The following TUSC7 variants were observed in gnomAD, a reference collection of about 807,000 sequenced individuals.
The protein encoded by TUSC7 is tumor suppressor candidate 7, also known as LSAMP antisense RNA 3.
At chr3:116,710,578 A>G (rs2051454886) in intron 1 of TUSC7, among the ~76,000 whole-genome samples, 2 of 152,124 alleles carry the variant, frequency 1.3e-5, no homozygotes, top group African/African-American at 4.8e-5. Flanking sequence ...AAATTTTAAA[A>G]TTCTAAATAT....
intron 1 of TUSC7, among the ~76,000 whole-genome samples, chr3:116,715,888 T>C (rs896249406): frequency 6.6e-6 from 1 of 152,206 alleles, no homozygotes; most frequent in Admixed American, 6.5e-5. Flanking sequence ...CATATGTATT[T>C]ATAGTTTTAT....
At chr3:116,715,719 G>A (rs1402186338) in intron 1 of TUSC7, among the ~76,000 whole-genome samples, 1 of 152,030 alleles carries the variant, frequency 6.6e-6, no homozygotes, top group Admixed American at 6.6e-5. Context: ...TTTTGATATA[G>A]TCATTTATCA....
intron 1 of TUSC7, chr3:116,710,279 T>C (rs1367937886): frequency 6.6e-6 from 1 of 152,142 alleles, no homozygotes; most frequent in East Asian, 1.9e-4. Context: ...ATCTCAGTTT[T>C]ACTGAAAGGG....
In TUSC7 at chr3:116,715,360, T is replaced by C. The variant is rs142875114; in HGVS notation, n.99-2401T>C. Among the ~76,000 whole-genome samples, 11 of 152,322 alleles carry C rather than the reference T, an allele frequency of 7.2e-5. No homozygotes were observed. In the East Asian group the frequency reaches 1.5e-3, roughly 21 times the overall value. ...CATAGCAAGGAGCATAATTGATGGA[T>C]AGTATGTAAGATTACATTTAGTTTT... On this transcript the variant is annotated intron_variant and non_coding_transcript_variant, in intron 1 of 2. Coordinates refer to ENST00000477805, the Ensembl canonical transcript of TUSC7.
chr3:116,714,053 C>A (rs2051485518), intron 1 of TUSC7: 1 of 152,094 alleles, frequency 6.6e-6, no homozygotes, highest in African/African-American at 2.4e-5. Flanking sequence ...TTCCTATTAT[C>A]CTTCTCAAAG....
At chr3:116,709,981 A>G (rs1184243322) in intron 1 of TUSC7, 1 of 152,166 alleles carries the variant, frequency 6.6e-6, no homozygotes, top group Non-Finnish European at 1.5e-5. Flanking sequence ...GCCTCTGCTA[A>G]TGGTGGAGAG....
In TUSC7 at chr3:116,712,231, G is replaced by A. The variant is rs193159665; in HGVS notation, n.98+2355G>A. The A allele has an allele frequency of 3.3e-5, 5 of 152,238 alleles. No individual in the cohort carries two copies. The East Asian group carries it at 9.7e-4, about 29-fold the overall frequency. The allele number at this position is 152,238 out of a possible 1,614,324, so 9.4% of individuals were successfully genotyped here. A position where few individuals can be genotyped will look rare whatever the true frequency, so the allele number is the denominator to read the frequency against. On this transcript the variant is annotated intron_variant and non_coding_transcript_variant, in intron 1 of 2. Transcript: ENST00000477805. ...ATTTTCTGCCTTTGTCACCAAAACAGCATCTGCTAGTCACAAAACTAGAAA... is the reference window on the plus strand; with the variant it reads ...ATTTTCTGCCTTTGTCACCAAAACAACATCTGCTAGTCACAAAACTAGAAA...
At chr3:116,714,651 T>C (rs1255300794) in intron 1 of TUSC7, among the ~76,000 whole-genome samples, 2 of 152,204 alleles carry the variant, frequency 1.3e-5, no homozygotes, top group African/African-American at 2.4e-5. Context: ...CAGTGAAAAA[T>C]GGCTACACAC....
chr3:116,716,753 G>C (rs1049601895), intron 1 of TUSC7: 3 of 152,094 alleles, frequency 2.0e-5, no homozygotes, highest in Admixed American at 1.3e-4. Context: ...GGTTAAAAGG[G>C]ACCTTAGAGA....
At chr3:116,714,227 G>A (rs1198783576) in intron 1 of TUSC7, 4 of 152,090 alleles carry the variant, frequency 2.6e-5, no homozygotes, top group Non-Finnish European at 5.9e-5. Context: ...AGTCTTCTGT[G>A]TGGAATCAAG....
At chr3:116,715,796 A>C (rs1280397942) in intron 1 of TUSC7, among the ~76,000 whole-genome samples, 1 of 152,136 alleles carries the variant, frequency 6.6e-6, no homozygotes, top group African/African-American at 2.4e-5. Context: ...TGATCCAGAT[A>C]CTTTCCAGGG....
intron 1 of TUSC7, among the ~76,000 whole-genome samples, chr3:116,710,699 A>G (rs1236686321): frequency 1.3e-5 from 2 of 152,194 alleles, no homozygotes; most frequent in African/African-American, 4.8e-5. Flanking sequence ...ATATGGTTGC[A>G]GAGTTGAATC....
intron 1 of TUSC7, among the ~76,000 whole-genome samples, chr3:116,713,318 A>G (rs561848034): frequency 1.5e-4 from 23 of 152,168 alleles, no homozygotes; most frequent in Non-Finnish European, 3.2e-4. Context: ...TATTAACATC[A>G]TGCTGACACT....
intron 1 of TUSC7, chr3:116,712,687 G>A (rs1484793958): frequency 6.6e-6 from 1 of 152,140 alleles, no homozygotes; most frequent in Non-Finnish European, 1.5e-5. Flanking sequence ...TGGGGAATAA[G>A]CAGAGTAAGA....
At chr3:116,716,488 G>A (rs934844673) in intron 1 of TUSC7, 3 of 152,144 alleles carry the variant, frequency 2.0e-5, no homozygotes, top group Non-Finnish European at 4.4e-5. Flanking sequence ...AGGGAAAAGT[G>A]TGACTGCTCT....
At chr3:116,711,470 A>AT (rs1015498798) in intron 1 of TUSC7, among the ~76,000 whole-genome samples, 11 of 152,120 alleles carry the variant, frequency 7.2e-5, no homozygotes, top group African/African-American at 2.4e-4. Flanking sequence ...TGTTTTGTTT[A>AT]TTTTTTCTTT....
intron 1 of TUSC7, chr3:116,712,727 G>A (rs2107471742): frequency 6.6e-6 from 1 of 152,162 alleles, no homozygotes; most frequent in East Asian, 1.9e-4. Flanking sequence ...AGAGAGATAT[G>A]CTAAGTTGGG....
chr3:116,716,130 A>G (rs1264737027), intron 1 of TUSC7: 1 of 152,216 alleles, frequency 6.6e-6, no homozygotes, highest in Non-Finnish European at 1.5e-5. Context: ...ATTTCTGATG[A>G]AAGCACTGAT....
chr3:116,716,263 T>C (rs914977006), intron 1 of TUSC7: 5 of 152,332 alleles, frequency 3.3e-5, no homozygotes, highest in Middle Eastern at 3.4e-3. Flanking sequence ...CTCTGAGAGA[T>C]ACTTTTTGCA....
Sources: gnomAD v4.1 joint callset for allele counts (sites outside exome capture counted in the v4.1 genomes callset) on GRCh38, gnomAD v4.1.1 for gene constraint, MANE v1.5 for transcripts, NCBI Gene and HGNC (gene_info 2026-07-23, HGNC 2026-07-21) for gene names.